Variants in MAGI3 observed in about 807,000 individuals in gnomAD.
The protein encoded by MAGI3 is membrane associated guanylate kinase, WW and PDZ domain containing 3.
Under a neutral mutation model 121.8 loss-of-function variants are expected in MAGI3, and 43 were observed. That is an observed-to-expected ratio of 0.35 (90% CI 0.28 to 0.46). The LOEUF (loss-of-function observed/expected upper bound fraction) is 0.46. MAGI3 is among the 20% of genes least tolerant of loss of function. MAGI3 has a pLI of 1.00. For synonymous variants in MAGI3, 553 were observed against 639.3 expected, an observed-to-expected ratio of 0.86 and a Z score of 2.04; for missense variants, 1,547 against 1,797.3, an observed-to-expected ratio of 0.86 and a Z score of 2.52.
chr1:113,413,235 A>T (rs1218382466), intron 1 of MAGI3, among the ~76,000 whole-genome samples: 4 of 152,084 alleles, frequency 2.6e-5, no homozygotes, highest in Non-Finnish European at 5.9e-5. Context: ...CCATTGGCCT[A>T]TATATCTGTT....
chr1:113,675,328 GAAC>G (rs1405795472), intron 19 of MAGI3, among the ~76,000 whole-genome samples: 1 of 152,186 alleles, frequency 6.6e-6, no homozygotes, highest in East Asian at 1.9e-4. Flanking sequence ...CAGACTAGAT[GAAC>G]AACAAGTATC....
chr1:113,530,400 A>G (rs925448131), intron 1 of MAGI3, among the ~76,000 whole-genome samples: 26 of 152,052 alleles, frequency 1.7e-4, no homozygotes, highest in African/African-American at 6.0e-4. Context: ...GAGCTAAACA[A>G]GAATACATGG....
rs549657289 is a variant in MAGI3, at chr1:113,558,893, G to A, written c.433+9262G>A. On this transcript the variant is annotated intron_variant, in intron 2 of 20. Transcript: ENST00000307546. ...TCAGCAGAAACCCTGCAAGCCAGAAGAGATTGGGGCCAGTAGTCAACATTA... is the reference window on the plus strand; with the variant it reads ...TCAGCAGAAACCCTGCAAGCCAGAAAAGATTGGGGCCAGTAGTCAACATTA... Among the ~76,000 whole-genome samples the A allele has an allele frequency of 3.3e-5, 5 of 152,308 alleles. No homozygotes were observed. In the South Asian group the frequency reaches 1.0e-3, roughly 32 times the overall value.
chr1:113,468,096 T>C (rs1489918597), intron 1 of MAGI3, among the ~76,000 whole-genome samples: 3 of 152,236 alleles, frequency 2.0e-5, no homozygotes, highest in Non-Finnish European at 4.4e-5. Flanking sequence ...TTCCACTTTC[T>C]GTCTTTGTGT....
chr1:113,600,886 G>A lies in MAGI3; in HGVS notation c.1018+6326G>A, dbSNP rs1402435515. On this transcript the variant is annotated intron_variant, in intron 6 of 20. Transcript: ENST00000307546. ...CCAAAACAGAGATATAGATCAATGG[G>A]ACAGAACAGAGCCCTCAGAAATAGC... Among the ~76,000 whole-genome samples, 7 of 152,110 alleles carry A rather than the reference G, an allele frequency of 4.6e-5. No individual in the cohort carries two copies. In the East Asian group the frequency reaches 5.8e-4, roughly 13 times the overall value.
intron 1 of MAGI3, among the ~76,000 whole-genome samples, chr1:113,537,956 C>G (rs528251787): frequency 6.6e-6 from 1 of 152,306 alleles, no homozygotes; most frequent in South Asian, 2.1e-4. Flanking sequence ...TGTTGACTCT[C>G]TCTGGACTCA....
chr1:113,672,625 G>A lies in MAGI3; in HGVS notation c.2929G>A (p.Glu977Lys). 1.2e-6 allele frequency: 2 copies of A among 1,613,582 alleles called. No individual in the cohort carries two copies. Among genetic ancestry groups the A allele is most frequent in the Non-Finnish European group, 1.7e-6 (2 of 1,179,780 alleles). Residue 977 changes from glutamate (E) to lysine (K), a missense_variant, in exon 18 of 21, where the codon GAA becomes AAA. Physicochemically the swap from Glu to Lys is moderately conservative, Grantham distance 56. Coordinates refer to ENST00000307546, the MANE Select transcript of MAGI3 (RefSeq NM_001142782.2). ...TTCTCTCTCTTGTAGAAGTGCCCTA[G>A]AAGGTGAAATTGGAAAAGATGTCTC... ...NHIPGDRSAL[E>K]GEIGKDVSTS...
rs376397111 is a variant in MAGI3, at chr1:113,682,948, A to G, written c.3380A>G (p.Gln1127Arg). 6.2e-7 allele frequency: 1 copy of G among 1,607,404 alleles called. No homozygotes were observed. Among genetic ancestry groups the G allele is most frequent in the South Asian group, 1.1e-5 (1 of 89,156 alleles). The stretch of plus-strand genomic sequence containing the variant: ...TCTTCAAATGTGATTTATGATGAAC[A>G]GTCACCATTACCCCCATCTTCACAT... ...PSSSNVIYDE[Q>R]SPLPPSSHFA... The change falls in exon 21 of 21, where the codon CAG becomes CGG. Residue 1127 changes from glutamine to arginine, a missense_variant. Gln to Arg is a conservative substitution (Grantham distance 43, BLOSUM62 1). Coordinates refer to ENST00000307546, the MANE Select transcript of MAGI3 (RefSeq NM_001142782.2).
intron 16 of MAGI3, among the ~76,000 whole-genome samples, chr1:113,665,620 G>A (rs929536272): frequency 2.6e-5 from 4 of 152,044 alleles, no homozygotes; most frequent in Non-Finnish European, 5.9e-5. Context: ...TGGGGGTGGA[G>A]AATATCTTTA....
At chr1:113,513,199 G>A (rs1657704791) in intron 1 of MAGI3, among the ~76,000 whole-genome samples, 1 of 152,132 alleles carries the variant, frequency 6.6e-6, no homozygotes. Context: ...TGGCCATACT[G>A]CCCAAGGTAA....
intron 8 of MAGI3, among the ~76,000 whole-genome samples, chr1:113,621,775 G>A (rs867359575): frequency 7.3e-5 from 11 of 150,956 alleles, no homozygotes; most frequent in Admixed American, 5.9e-4. Context: ...TAATAATAAA[G>A]AGCAATAAAG....
rs555851476 is a variant in MAGI3 at position 113,602,952 on chromosome 1, G to A, written c.1018+8392G>A. ...AAAAATAAAAAAAATCAAAGTGTGTGTATGTGTATGTATACACATATATAT... is the reference window on the plus strand; with the variant it reads ...AAAAATAAAAAAAATCAAAGTGTGTATATGTGTATGTATACACATATATAT... On this transcript the variant is annotated intron_variant, in intron 6 of 20. Coordinates refer to ENST00000307546, the MANE Select transcript of MAGI3 (RefSeq NM_001142782.2). Among the ~76,000 whole-genome samples the A allele has an allele frequency of 2.0e-5, 3 of 151,736 alleles. No individual in the cohort carries two copies. The Admixed American group carries it at 2.0e-4, about 10-fold the overall frequency.
intron 2 of MAGI3, among the ~76,000 whole-genome samples, chr1:113,574,518 C>T (rs539837271): frequency 6.6e-6 from 1 of 152,254 alleles, no homozygotes; most frequent in East Asian, 1.9e-4. Flanking sequence ...TATTGGTCGC[C>T]TACTCTCTTC....
chr1:113,568,855 A>C (rs1660539115), intron 2 of MAGI3, among the ~76,000 whole-genome samples: 2 of 152,148 alleles, frequency 1.3e-5, no homozygotes, highest in Admixed American at 1.3e-4. Context: ...AGAATATAGA[A>C]TATCTCCATA....
At chr1:113,650,929 T>C in intron 13 of MAGI3, 85 bp from the exon 14 acceptor site, 1 of 1,254,178 alleles carries the variant, frequency 8.0e-7, no homozygotes, top group Non-Finnish European at 1.1e-6. Flanking sequence ...AATCTGTTGG[T>C]TTGCACAATG....
chr1:113,527,981 T>C (rs908983676), intron 1 of MAGI3, among the ~76,000 whole-genome samples: 1 of 152,200 alleles, frequency 6.6e-6, no homozygotes, highest in Admixed American at 6.5e-5. Flanking sequence ...TGTGTGTGTA[T>C]GCGTACATGT....
intron 10 of MAGI3, among the ~76,000 whole-genome samples, chr1:113,643,424 A>C (rs1351571328): frequency 1.3e-5 from 2 of 152,178 alleles, no homozygotes; most frequent in Non-Finnish European, 2.9e-5. Context: ...CCAGGGCTTC[A>C]ACAAGTATAA....
intron 2 of MAGI3, among the ~76,000 whole-genome samples, chr1:113,559,924 C>T (rs1022297633): frequency 6.6e-6 from 1 of 152,036 alleles, no homozygotes; most frequent in Non-Finnish European, 1.5e-5. Flanking sequence ...ACACAATAAT[C>T]GTAGGAGACT....
At chr1:113,396,287 T>TTGTGTG (rs3058309) in intron 1 of MAGI3, among the ~76,000 whole-genome samples, 34,699 of 146,788 alleles carry the variant, frequency 0.24, 4,532 homozygotes, top group East Asian at 0.61. Flanking sequence ...AATGTCAGGG[T>TTGTGTG]TGTGTGTGTG....
Sources: allele counts gnomAD v4.1 joint callset (sites outside exome capture counted in the v4.1 genomes callset), GRCh38; gene constraint gnomAD v4.1.1; transcripts MANE v1.5; gene names NCBI Gene and HGNC (gene_info 2026-07-23, HGNC 2026-07-21).